The following MTHFS variants were observed in gnomAD, a reference collection of about 807,000 sequenced individuals.
MTHFS encodes methenyltetrahydrofolate synthetase, also known as 5-formyltetrahydrofolate cyclo-ligase.
MTHFS carries 7 observed loss-of-function variants against 12.7 expected under a neutral mutation model. The ratio of observed to expected loss-of-function variants is 0.55; its 90% confidence interval spans 0.31 to 1.03. The LOEUF is 1.03. MTHFS is among the 50% of genes least tolerant of loss of function. The pLI, the probability that MTHFS is intolerant of heterozygous loss-of-function variation, is 0.05. For missense variants in MTHFS, 252 were observed against 258.1 expected (o/e 0.98, Z 0.16); for synonymous variants, 100 against 97.1 (o/e 1.03, Z -0.18).
At position 79,852,674 on chromosome 15, in the gene MTHFS, G is replaced by A. The variant is rs553956104; in HGVS notation, c.380-7232C>T. ...ACTAACATTTGCACCAGAATACAGCGACCATATTTGTCACAAAAGCATTAG... is the reference window on the plus strand; with the variant it reads ...ACTAACATTTGCACCAGAATACAGCAACCATATTTGTCACAAAAGCATTAG... On this transcript the variant is annotated intron_variant, in intron 2 of 2. Transcript: ENST00000258874. Among the ~76,000 whole-genome samples the A allele has an allele frequency of 8.6e-4, 130 of 152,042 alleles. 2 individuals are homozygous for A. The highest frequency in any genetic ancestry group is 1.4e-3 in the Non-Finnish European group (95 of 68,002).
chr15:79,887,108 C>T (rs2034396082), intron 2 of MTHFS, among the ~76,000 whole-genome samples: 1 of 152,108 alleles, frequency 6.6e-6, no homozygotes, highest in South Asian at 2.1e-4. Flanking sequence ...GTGGCGCACG[C>T]CTGTAATTCT....
At chr15:79,886,046 G>A (rs964685300) in intron 2 of MTHFS, among the ~76,000 whole-genome samples, 1 of 152,182 alleles carries the variant, frequency 6.6e-6, no homozygotes, top group African/African-American at 2.4e-5. Context: ...TCCGACCCTC[G>A]ATTTCATTTA....
intron 2 of MTHFS, among the ~76,000 whole-genome samples, chr15:79,855,527 C>G (rs2033783098): frequency 6.6e-6 from 1 of 152,106 alleles, no homozygotes; most frequent in Non-Finnish European, 1.5e-5. Context: ...TATTAACTTT[C>G]ATTTTAGGTT....
chr15:79,876,916 G>C (rs1338473920), intron 2 of MTHFS: 1 of 151,232 alleles, frequency 6.6e-6, no homozygotes, highest in Non-Finnish European at 1.5e-5. Flanking sequence ...GGTGGCACGT[G>C]CCTGTAGTCC....
intron 2 of MTHFS, chr15:79,877,291 G>A (rs1213572441): frequency 6.6e-6 from 1 of 152,032 alleles, no homozygotes; most frequent in Non-Finnish European, 1.5e-5. Flanking sequence ...GAGAGACAAT[G>A]TGGCAGGAAA....
At chr15:79,889,472 A>AC in intron 1 of MTHFS, 118 bp from the exon 2 acceptor site, 3 of 1,242,406 alleles carry the variant, frequency 2.4e-6, no homozygotes, top group Non-Finnish European at 2.1e-6. Context: ...AAAGAAAAAA[A>AC]AAGGGGGGGG....
intron 2 of MTHFS, among the ~76,000 whole-genome samples, chr15:79,859,931 A>T (rs527999447): frequency 3.3e-5 from 5 of 152,156 alleles, no homozygotes; most frequent in African/African-American, 9.7e-5. Flanking sequence ...ATACTAAGAT[A>T]AAATGATGAT....
intron 2 of MTHFS, among the ~76,000 whole-genome samples, chr15:79,861,782 T>C (rs557154918): frequency 5.9e-5 from 9 of 152,214 alleles, no homozygotes; most frequent in Non-Finnish European, 1.3e-4. Flanking sequence ...TATGTGTTGC[T>C]ATGAAAAGAG....
At chr15:79,848,775 G>A (rs1051615112) in intron 2 of MTHFS, among the ~76,000 whole-genome samples, 1 of 152,158 alleles carries the variant, frequency 6.6e-6, no homozygotes, top group Admixed American at 6.5e-5. Flanking sequence ...TTGTACCACA[G>A]TTGATGGTAC....
intron 2 of MTHFS, among the ~76,000 whole-genome samples, chr15:79,867,394 A>G (rs1430708619): frequency 6.7e-6 from 1 of 150,314 alleles, no homozygotes; most frequent in Non-Finnish European, 1.5e-5. Context: ...AAAGGGGGGG[A>G]CATTGAAGTT....
At position 79,845,378 on chromosome 15, in the gene MTHFS, C is replaced by T. The variant is rs1346340029; in HGVS notation, c.444G>A (p.Arg148=). 14 of 1,614,052 alleles carry T rather than the reference C, an allele frequency of 8.7e-6. No individual in the cohort carries two copies. The highest frequency in any genetic ancestry group is 1.2e-5 in the Non-Finnish European group (14 of 1,180,034). Residue 148 remains arginine (R), a synonymous_variant, in exon 3 of 3, where the codon AGG becomes AGA. Transcript: ENST00000258874. ...GFDKHGNRLG[R]GKGYYDAYLK... The stretch of plus-strand genomic sequence containing the variant: ...GATAGGCATCATAGTAGCCCTTGCC[C>T]CTCCCCAGTCGGTTGCCATGTTTGT...
chr15:79,847,502 G>C (rs2033639092), intron 2 of MTHFS, among the ~76,000 whole-genome samples: 1 of 151,842 alleles, frequency 6.6e-6, no homozygotes, highest in Non-Finnish European at 1.5e-5. Flanking sequence ...GGCTAACATG[G>C]TGAAATCCCG....
chr15:79,877,155 A>C (rs1242793233), intron 2 of MTHFS: 2 of 152,180 alleles, frequency 1.3e-5, no homozygotes, highest in Non-Finnish European at 2.9e-5. Flanking sequence ...ACAGATCTAC[A>C]GAAATTATCC....
Position 79,845,294 on chromosome 15 carries a change from T to G in MTHFS, c.528A>C (p.Lys176Asn), listed in dbSNP as rs1189271092. ...CTGGGACCTGGAGGCAAATCTGTTC[T>G]TTGAAAGCCAACGCCAGGGTGTAGG... is the stretch of plus-strand genomic sequence containing the variant. ...VKPYTLALAFKEQICLQVPVN... is the reference protein window; with the variant it reads ...VKPYTLALAFNEQICLQVPVN... Residue 176 changes from lysine (K) to asparagine (N), a missense_variant, in exon 3 of 3, where the codon AAA becomes AAC. Transcript: ENST00000258874. 2.5e-6 allele frequency: 4 copies of G among 1,614,062 alleles called. No homozygotes were observed. The highest frequency in any genetic ancestry group is 3.4e-6 in the Non-Finnish European group (4 of 1,180,052).
At chr15:79,875,832 C>T (rs2034185551) in intron 2 of MTHFS, 1 of 151,946 alleles carries the variant, frequency 6.6e-6, no homozygotes, top group African/African-American at 2.4e-5. Context: ...ACTTATTATC[C>T]AGAACACATA....
At chr15:79,856,997 CTTTTT>C (rs558340769) in intron 2 of MTHFS, among the ~76,000 whole-genome samples, 1 of 131,182 alleles carries the variant, frequency 7.6e-6, no homozygotes, top group Non-Finnish European at 1.7e-5. Flanking sequence ...CGCAAAGTCA[CTTTTT>C]TTTTTTTTTT....
intron 2 of MTHFS, among the ~76,000 whole-genome samples, chr15:79,847,193 A>G (rs76958281): frequency 0.025 from 3,762 of 152,236 alleles, 170 homozygotes; most frequent in African/African-American, 0.085. Flanking sequence ...ACCAAAAGAA[A>G]GGTGGCAAGA....
intron 2 of MTHFS, among the ~76,000 whole-genome samples, chr15:79,883,414 C>T (rs1010793530): frequency 6.6e-6 from 1 of 152,120 alleles, no homozygotes; most frequent in African/African-American, 2.4e-5. Context: ...ACAACATAAA[C>T]CATATGACTA....
rs564580146 is a variant in MTHFS, at chr15:79,844,762, T to C, written c.*448A>G. Among the ~76,000 whole-genome samples the C allele has an allele frequency of 3.3e-5, 5 of 152,336 alleles. No individual in the cohort carries two copies. The South Asian group carries it at 1.0e-3, about 32-fold the overall frequency. ...GTGAGATAATATTCTTAGGGAATTC[T>C]GTATCCAAAGCAAATACCAACAAAT... On this transcript the variant is annotated 3_prime_UTR_variant, in exon 3 of 3. Coordinates refer to ENST00000258874, the MANE Select transcript of MTHFS (RefSeq NM_006441.4).
Sources: gnomAD v4.1 joint callset for allele counts (sites outside exome capture counted in the v4.1 genomes callset) on GRCh38, gnomAD v4.1.1 for gene constraint, MANE v1.5 for transcripts, NCBI Gene and HGNC (gene_info 2026-07-23, HGNC 2026-07-21) for gene names.